STON2: variants seen among roughly 807,000 people sequenced by gnomAD.
The protein encoded by STON2 is stonin-2.
Under a neutral mutation model 65.7 loss-of-function variants are expected in STON2, and 29 were observed. The ratio of observed to expected loss-of-function variants is 0.44; its 90% CI spans 0.33 to 0.60. The LOEUF (loss-of-function observed/expected upper bound fraction) is 0.60, where lower values mean the gene tolerates loss of function less well. STON2 is among the 20% of genes least tolerant of loss of function. STON2 has a pLI of 0.03. For synonymous variants in STON2, 404 were observed against 414.2 expected (o/e 0.98, Z 0.30); for missense variants, 1,054 against 1,118.1 (o/e 0.94, Z 0.82).
Position 81,428,175 on chromosome 14 carries a change from T to A in STON2, c.-309-963A>T, listed in dbSNP as rs79215763. 6.4e-3 allele frequency among the ~76,000 whole-genome samples: 970 copies of A among 152,304 alleles called. 6 individuals carry two copies. Among genetic ancestry groups the A allele is most frequent in the African/African-American group, 0.022 (911 of 41,560 alleles). On this transcript the variant is annotated intron_variant, in intron 1 of 8. Coordinates refer to the STON2 transcript ENST00000553821. The stretch of plus-strand genomic sequence containing the variant: ...GTGTTTTTGATAATTTCAGCAATGA[T>A]AAAAGTTTTCCACCCTTCAACTGTT...
chr14:81,386,270 G>T (rs185662860), intron 3 of STON2, among the ~76,000 whole-genome samples: 53 of 152,306 alleles, frequency 3.5e-4, no homozygotes, highest in Admixed American at 9.2e-4. Context: ...ACATATGCAT[G>T]CAAAATGCAG....
intron 2 of STON2, among the ~76,000 whole-genome samples, chr14:81,425,702 G>C (rs1257866022): frequency 6.6e-6 from 1 of 152,154 alleles, no homozygotes; most frequent in African/African-American, 2.4e-5. Context: ...TCATCCAGTG[G>C]TATCTCTTTT....
intron 3 of STON2, among the ~76,000 whole-genome samples, chr14:81,372,027 C>T (rs1899020326): frequency 6.6e-6 from 1 of 152,162 alleles, no homozygotes; most frequent in Admixed American, 6.5e-5. Context: ...GTCACATTTA[C>T]AAATGGAGAT....
chr14:81,392,054 G>C (rs539987465), intron 3 of STON2, among the ~76,000 whole-genome samples: 3 of 152,182 alleles, frequency 2.0e-5, no homozygotes, highest in African/African-American at 7.2e-5. Context: ...TTGCCTTGGA[G>C]GTAAAATTTA....
chr14:81,410,587 C>G (rs1901108040), intron 2 of STON2, among the ~76,000 whole-genome samples: 1 of 152,156 alleles, frequency 6.6e-6, no homozygotes, highest in Admixed American at 6.5e-5. Context: ...CCAGTGAGAA[C>G]ACCACTGGCC....
chr14:81,305,453 T>C (rs1896135203), intron 5 of STON2, among the ~76,000 whole-genome samples: 1 of 152,242 alleles, frequency 6.6e-6, no homozygotes, highest in Admixed American at 6.5e-5. Flanking sequence ...CTTTCACTGA[T>C]GAACACTGAA....
rs1307840775 is a variant in STON2, at chr14:81,277,931, C to T, written c.1551G>A (p.Gln517=). 1 of 1,614,204 alleles carries T rather than the reference C, an allele frequency of 6.2e-7. No individual in the cohort carries two copies. Among genetic ancestry groups the T allele is most frequent in the Non-Finnish European group, 8.5e-7 (1 of 1,180,044 alleles). The change falls in exon 6 of 8, where the codon CAG becomes CAA. Residue 517 remains glutamine, a synonymous_variant. Transcript: ENST00000614646. ...FVKLTDTGYL[Q]LYYEQGLEKP... ...TTTCTAGGCCCTGCTCATAATACAGCTGCAGGTAACCAGTGTCTGTCAGTT... is the reference window on the plus strand; with the variant it reads ...TTTCTAGGCCCTGCTCATAATACAGTTGCAGGTAACCAGTGTCTGTCAGTT...
At chr14:81,325,932 G>A (rs1405615666) in intron 4 of STON2, among the ~76,000 whole-genome samples, 3 of 151,264 alleles carry the variant, frequency 2.0e-5, no homozygotes, top group Admixed American at 6.6e-5. Context: ...TTTACTCTAC[G>A]GGTTAAAAAA....
chr14:81,325,807 T>C (rs1896985526), intron 4 of STON2, among the ~76,000 whole-genome samples: 1 of 152,122 alleles, frequency 6.6e-6, no homozygotes, highest in African/African-American at 2.4e-5. Context: ...TACCACTTTA[T>C]AGAAGGGTCT....
intron 2 of STON2, among the ~76,000 whole-genome samples, chr14:81,416,658 A>G (rs1901451125): frequency 6.6e-6 from 1 of 152,184 alleles, no homozygotes; most frequent in African/African-American, 2.4e-5. Flanking sequence ...CGCTGCTATA[A>G]TCGTCAGCCA....
rs1020155627 is a variant in STON2, at chr14:81,394,052, A to G, written c.373+1842T>C. ...CTAAAAATACAAAAATTAGCCAGGC[A>G]TGGTGATGGGTGCTTGTAATCCCAG... On this transcript the variant is annotated intron_variant, in intron 3 of 7. Transcript: ENST00000614646. Among the ~76,000 whole-genome samples, 125 of 152,260 alleles carry G rather than the reference A, an allele frequency of 8.2e-4. 1 individual carries two copies. Among genetic ancestry groups the G allele is most frequent in the African/African-American group, 2.9e-3 (122 of 41,556 alleles).
intron 3 of STON2, among the ~76,000 whole-genome samples, chr14:81,378,651 T>G (rs1210664344): frequency 6.6e-6 from 1 of 152,250 alleles, no homozygotes; most frequent in Non-Finnish European, 1.5e-5. Flanking sequence ...TTTTGTTTAC[T>G]TTTGTACTGT....
chr14:81,427,718 A>G (rs1247263176), intron 1 of STON2, among the ~76,000 whole-genome samples: 2 of 152,098 alleles, frequency 1.3e-5, no homozygotes, highest in African/African-American at 4.8e-5. Context: ...GAGATGGGAA[A>G]AAAAAAAAGA....
intron 1 of STON2, among the ~76,000 whole-genome samples, chr14:81,432,641 G>A (rs548119092): frequency 6.6e-6 from 1 of 152,380 alleles, no homozygotes; most frequent in African/African-American, 2.4e-5. Context: ...GTGTGTGCTA[G>A]ATGACAGGAT....
intron 4 of STON2, among the ~76,000 whole-genome samples, chr14:81,340,659 C>T (rs572543951): frequency 6.6e-6 from 1 of 152,218 alleles, no homozygotes; most frequent in African/African-American, 2.4e-5. Context: ...CACAGCCCAC[C>T]CACCACCTAG....
Position 81,269,574 on chromosome 14 carries a change from G to A in STON2, c.2785-1077C>T, listed in dbSNP as rs540488449. ...GTAATGATTCAACACACAACAGTCA[G>A]GTTTGAGGGAGGTGCTATTTTTTTC... On this transcript the variant is annotated intron_variant, in intron 7 of 7. Transcript: ENST00000614646. The A allele has an allele frequency of 4.2e-3, 4,139 of 985,352 alleles. 10 individuals are homozygous for A. Among genetic ancestry groups the A allele is most frequent in the South Asian group, 9.2e-3 (195 of 21,290 alleles). The allele number at this position is 985,352 out of a possible 1,614,324, so 61.0% of individuals were successfully genotyped here. A position where few individuals can be genotyped will look rare whatever the true frequency, so the allele number is the denominator to read the frequency against.
chr14:81,386,345 C>T (rs905814533), intron 3 of STON2, among the ~76,000 whole-genome samples: 1 of 151,758 alleles, frequency 6.6e-6, no homozygotes, highest in Admixed American at 6.5e-5. Context: ...ACCCACCACT[C>T]ACTACCCCCA....
Position 81,396,197 on chromosome 14 carries a change from G to A in STON2, c.89-19C>T, listed in dbSNP as rs780820022. ...GTGCCCCCTGAAACAGATACCAGAC[G>A]CCACCATCATGTGAGGAAGGCCGCT... is the stretch of plus-strand genomic sequence containing the variant. On this transcript the variant is annotated intron_variant, in intron 2 of 7. Coordinates refer to ENST00000614646, the MANE Select transcript of STON2 (RefSeq NM_001394390.1). 13 of 1,576,890 alleles carry A rather than the reference G, an allele frequency of 8.2e-6. No individual in the cohort carries two copies. Among genetic ancestry groups the A allele is most frequent in the African/African-American group, 4.1e-5 (3 of 73,886 alleles).
chr14:81,416,144 C>T (rs193119137), intron 2 of STON2, among the ~76,000 whole-genome samples: 4 of 152,316 alleles, frequency 2.6e-5, no homozygotes, highest in East Asian at 3.9e-4. Context: ...AAATGCTCTA[C>T]GCCTGAGTTT....
Sources: gnomAD v4.1 joint callset for allele counts (sites outside exome capture counted in the v4.1 genomes callset) on GRCh38, gnomAD v4.1.1 for gene constraint, MANE v1.5 for transcripts, NCBI Gene and HGNC (gene_info 2026-07-23, HGNC 2026-07-21) for gene names.